The following MACROD2 variants were observed in gnomAD, a reference collection of about 807,000 sequenced individuals.
MACROD2 encodes mono-ADP ribosylhydrolase 2.
A neutral mutation model predicts 70.4 loss-of-function variants in MACROD2; 36 were observed. That is an observed-to-expected ratio of 0.51 (90% CI 0.39 to 0.68). The LOEUF is 0.68. MACROD2 is among the 30% of genes least tolerant of loss of function. The probability of loss-of-function intolerance (pLI) is 0.00; values close to 1 mark genes in which losing one functional copy is unlikely to be tolerated. For synonymous variants in MACROD2, 172 were observed against 178.8 expected, an observed-to-expected ratio of 0.96 and a Z score of 0.30; for missense variants, 496 against 538.4, an observed-to-expected ratio of 0.92 and a Z score of 0.78.
At chr20:16,016,693 G>A (rs564533154) in intron 15 of MACROD2, among the ~76,000 whole-genome samples, 145 of 152,164 alleles carry the variant, frequency 9.5e-4, no homozygotes, top group Middle Eastern at 6.8e-3. Flanking sequence ...CTACTACCAC[G>A]CCTGGATAAT....
At chr20:15,090,117 T>G (rs1162425407) in intron 5 of MACROD2, among the ~76,000 whole-genome samples, 1 of 152,032 alleles carries the variant, frequency 6.6e-6, no homozygotes, top group Non-Finnish European at 1.5e-5. Flanking sequence ...AGATGATATT[T>G]ATGTATAAAT....
At chr20:14,774,704 C>T (rs1268079422) in intron 5 of MACROD2, among the ~76,000 whole-genome samples, 1 of 151,980 alleles carries the variant, frequency 6.6e-6, no homozygotes, top group Non-Finnish European at 1.5e-5. Flanking sequence ...CTCAAAGTGT[C>T]AAAATGTTCT....
chr20:15,612,798 G>A (rs886829798), intron 8 of MACROD2, among the ~76,000 whole-genome samples: 3 of 152,202 alleles, frequency 2.0e-5, no homozygotes, highest in African/African-American at 7.2e-5. Context: ...ACACATTTCT[G>A]TTAAACATCT....
intron 7 of MACROD2, among the ~76,000 whole-genome samples, chr20:15,489,639 G>A (rs1039709871): frequency 5.3e-5 from 8 of 152,288 alleles, no homozygotes; most frequent in Admixed American, 5.2e-4. Context: ...TATGCAGAAG[G>A]CCATGTGTTT....
intron 8 of MACROD2, among the ~76,000 whole-genome samples, chr20:15,823,316 G>GTGTGTGTGTATGTGTGTA (rs139668215): frequency 6.8e-6 from 1 of 148,030 alleles, no homozygotes; most frequent in Non-Finnish European, 1.5e-5. Flanking sequence ...GTGTGTGTGT[G>GTGTGTGTGTATGTGTGTA]TGTGTCTATA....
chr20:15,926,692 G>A lies in MACROD2; in HGVS notation c.776-6584G>A, dbSNP rs6131738. ...AGCTGGAGAGAAAGCACTCCAGGTGGAGGGGTCAGGCAATGCAAAGGCCTG... is the reference window on the plus strand; with the variant it reads ...AGCTGGAGAGAAAGCACTCCAGGTGAAGGGGTCAGGCAATGCAAAGGCCTG... On this transcript the variant is annotated intron_variant, in intron 10 of 17. Transcript: ENST00000684519. Among the ~76,000 whole-genome samples, 257 of 152,170 alleles carry A rather than the reference G, an allele frequency of 1.7e-3. 2 individuals carry two copies. The highest frequency in any genetic ancestry group is 1.8e-3 in the Non-Finnish European group (125 of 68,014).
intron 3 of MACROD2, among the ~76,000 whole-genome samples, chr20:14,372,311 A>C (rs2083332739): frequency 6.6e-6 from 1 of 152,192 alleles, no homozygotes; most frequent in South Asian, 2.1e-4. Flanking sequence ...CCTAAATAAA[A>C]TATTAGCAAA....
At chr20:14,783,541 T>C (rs1290157826) in intron 5 of MACROD2, among the ~76,000 whole-genome samples, 4 of 152,134 alleles carry the variant, frequency 2.6e-5, no homozygotes, top group Non-Finnish European at 5.9e-5. Flanking sequence ...TAGTACGTAC[T>C]TTAATGAGGT....
At chr20:14,590,500 C>G (rs1981693686) in intron 4 of MACROD2, among the ~76,000 whole-genome samples, 1 of 152,126 alleles carries the variant, frequency 6.6e-6, no homozygotes, top group South Asian at 2.1e-4. Flanking sequence ...ACTTGAGTAG[C>G]TGTCAGGGTG....
At chr20:14,540,932 G>T (rs1190673385) in intron 4 of MACROD2, among the ~76,000 whole-genome samples, 1 of 152,108 alleles carries the variant, frequency 6.6e-6, no homozygotes. Flanking sequence ...TATGAAAATG[G>T]TCTGCCAACT....
chr20:15,550,634 C>A (rs1466732878), intron 8 of MACROD2, among the ~76,000 whole-genome samples: 1 of 152,180 alleles, frequency 6.6e-6, no homozygotes, highest in East Asian at 1.9e-4. Flanking sequence ...AGTTCCCCAA[C>A]CAGTTTTCAT....
chr20:14,467,826 T>G (rs1201593010), intron 3 of MACROD2, among the ~76,000 whole-genome samples: 1 of 152,154 alleles, frequency 6.6e-6, no homozygotes, highest in East Asian at 1.9e-4. Flanking sequence ...TTCTCATTAG[T>G]TTCGAAGAAC....
At chr20:14,802,123 G>A (rs561799931) in intron 5 of MACROD2, among the ~76,000 whole-genome samples, 4 of 152,160 alleles carry the variant, frequency 2.6e-5, no homozygotes, top group Non-Finnish European at 5.9e-5. Context: ...CGCATGTGCT[G>A]AACTGAGTGG....
intron 8 of MACROD2, among the ~76,000 whole-genome samples, chr20:15,516,538 G>A (rs2047569967): frequency 6.6e-6 from 1 of 152,176 alleles, no homozygotes; most frequent in South Asian, 2.1e-4. Context: ...AGGGTGCCCA[G>A]GGCAGTGCGG....
intron 5 of MACROD2, among the ~76,000 whole-genome samples, chr20:14,975,421 G>A (rs578115717): frequency 7.9e-5 from 12 of 152,242 alleles, no homozygotes; most frequent in Admixed American, 7.9e-4. Context: ...GCTGGGGCGG[G>A]CAGGTGGGAA....
At chr20:15,357,798 C>CTTTTTT (rs200860242) in intron 6 of MACROD2, among the ~76,000 whole-genome samples, 5 of 135,638 alleles carry the variant, frequency 3.7e-5, no homozygotes, top group Admixed American at 7.3e-5. Flanking sequence ...TTCATTCATT[C>CTTTTTT]TTTTTTTTTT....
Position 14,426,334 on chromosome 20 carries a change from T to C in MACROD2, c.272-67145T>C, listed in dbSNP as rs541838150. Among the ~76,000 whole-genome samples, 3 of 152,164 alleles carry C rather than the reference T, an allele frequency of 2.0e-5. No homozygotes were observed. The East Asian group carries it at 5.8e-4, about 29-fold the overall frequency. On this transcript the variant is annotated intron_variant, in intron 3 of 17. Transcript: ENST00000684519. The stretch of plus-strand genomic sequence containing the variant: ...TTTTTTTGTTCCCCAAATATTCCTC[T>C]TTTTTTCCTTTTAGTAAAAGTATTT...
intron 5 of MACROD2, among the ~76,000 whole-genome samples, chr20:14,782,288 AATTAT>A (rs1437109018): frequency 6.6e-6 from 1 of 152,064 alleles, no homozygotes; most frequent in Admixed American, 6.5e-5. Flanking sequence ...ACAACTGAAC[AATTAT>A]ATTAAAATAC....
intron 5 of MACROD2, among the ~76,000 whole-genome samples, chr20:15,009,979 TA>T (rs543061242): frequency 6.6e-5 from 10 of 152,010 alleles, no homozygotes; most frequent in African/African-American, 2.2e-4. Flanking sequence ...CTCAGCTTCA[TA>T]AAAAAAGCTC....
Sources: gnomAD v4.1 joint callset for allele counts (sites outside exome capture counted in the v4.1 genomes callset) on GRCh38, gnomAD v4.1.1 for gene constraint, MANE v1.5 for transcripts, NCBI Gene and HGNC (gene_info 2026-07-23, HGNC 2026-07-21) for gene names.